The following NEGR1 variants were observed in gnomAD, a reference collection of about 807,000 sequenced individuals.
NEGR1 encodes the protein IgLON family member 4.
A neutral mutation model predicts 40.9 loss-of-function variants in NEGR1; 10 were observed. The observed-to-expected ratio is 0.24, with a 90% CI of 0.15 to 0.42. The LOEUF (loss-of-function observed/expected upper bound fraction) is 0.42, where lower values mean the gene tolerates loss of function less well. Ranked by LOEUF, NEGR1 falls within the 10% of genes least tolerant of loss-of-function variation. The probability of loss-of-function intolerance (pLI) is 1.00; values close to 1 mark genes in which losing one functional copy is unlikely to be tolerated. For missense variants in NEGR1, 352 were observed against 438.9 expected, an observed-to-expected ratio of 0.80 and a Z score of 1.77; for synonymous variants, 185 against 166.8, an observed-to-expected ratio of 1.11 and a Z score of -0.84.
intron 1 of NEGR1, among the ~76,000 whole-genome samples, chr1:72,004,167 A>C (rs1570598899): frequency 6.6e-6 from 1 of 152,116 alleles, no homozygotes; most frequent in Middle Eastern, 3.4e-3. Context: ...TATTTTCATA[A>C]TATAATTAAA....
At chr1:71,929,804 C>T (rs1382834175) in intron 2 of NEGR1, among the ~76,000 whole-genome samples, 6 of 150,962 alleles carry the variant, frequency 4.0e-5, no homozygotes, top group Non-Finnish European at 7.4e-5. Context: ...TTATTCCCAT[C>T]AGCTCAAACT....
intron 3 of NEGR1, among the ~76,000 whole-genome samples, chr1:71,748,162 T>C (rs1027096418): frequency 1.3e-5 from 2 of 152,182 alleles, no homozygotes; most frequent in East Asian, 3.8e-4. Context: ...AGAAGAACTT[T>C]GAGAGAAAAT....
At position 71,843,426 on chromosome 1, in the gene NEGR1, C is replaced by G. The variant is rs187973235; in HGVS notation, c.410-67129G>C. Among the ~76,000 whole-genome samples, 589 of 152,260 alleles carry G rather than the reference C, an allele frequency of 3.9e-3. 3 individuals are homozygous for G. The highest frequency in any genetic ancestry group is 0.014 in the African/African-American group (580 of 41,564). On this transcript the variant is annotated intron_variant, in intron 2 of 6. Coordinates refer to ENST00000357731, the MANE Select transcript of NEGR1 (RefSeq NM_173808.3). The stretch of plus-strand genomic sequence containing the variant: ...AGAGAACAGAAGTCGAGGCTATTGA[C>G]TCCTGTGCACTGAAATGGTATCAAA...
chr1:72,126,891 T>C (rs1557540019), intron 1 of NEGR1, among the ~76,000 whole-genome samples: 1 of 152,194 alleles, frequency 6.6e-6, no homozygotes, highest in Non-Finnish European at 1.5e-5. Flanking sequence ...AACACCATCT[T>C]ATAAAAGGTA....
chr1:71,775,397 G>A lies in NEGR1; in HGVS notation c.535+775C>T, dbSNP rs184872603. Among the ~76,000 whole-genome samples, 266 of 149,528 alleles carry A rather than the reference G, an allele frequency of 1.8e-3. 1 individual carries two copies. The highest frequency in any genetic ancestry group is 3.7e-3 in the Admixed American group (55 of 15,000). On this transcript the variant is annotated intron_variant, in intron 3 of 6. Transcript: ENST00000357731. ...GGTCTTGCTCCGCACCCAGGCTGGA[G>A]TGCACTGGTGCGATCTCGGCTCACT...
intron 1 of NEGR1, among the ~76,000 whole-genome samples, chr1:72,117,110 G>A (rs1649612319): frequency 6.6e-6 from 1 of 151,536 alleles, no homozygotes; most frequent in Non-Finnish European, 1.5e-5. Flanking sequence ...CTGTTTTCTT[G>A]GCTTCATCTC....
intron 3 of NEGR1, among the ~76,000 whole-genome samples, chr1:71,711,490 A>AAT (rs1156818457): frequency 6.6e-6 from 1 of 151,202 alleles, no homozygotes; most frequent in Non-Finnish European, 1.5e-5. Context: ...ACAAAAAAAA[A>AAT]AAAAAAAAGA....
chr1:71,988,524 C>T (rs1366726198), intron 1 of NEGR1, among the ~76,000 whole-genome samples: 1 of 112,566 alleles, frequency 8.9e-6, no homozygotes, highest in East Asian at 2.9e-4. Context: ...CCGTCCTGGG[C>T]GACAGAGCGA....
intron 1 of NEGR1, among the ~76,000 whole-genome samples, chr1:72,162,459 A>C (rs1364222884): frequency 6.6e-6 from 1 of 151,092 alleles, no homozygotes; most frequent in Non-Finnish European, 1.5e-5. Flanking sequence ...GAGGAAGCCA[A>C]ACAAACAAAC....
intron 1 of NEGR1, among the ~76,000 whole-genome samples, chr1:72,210,103 A>T (rs1653545286): frequency 6.6e-6 from 1 of 151,922 alleles, no homozygotes; most frequent in South Asian, 2.1e-4. Context: ...GCAGTTCTCC[A>T]ACTGTGCTCC....
intron 6 of NEGR1, among the ~76,000 whole-genome samples, chr1:71,534,355 G>C (rs1179940847): frequency 1.3e-5 from 2 of 151,622 alleles, no homozygotes; most frequent in South Asian, 4.1e-4. Flanking sequence ...CATCTTTTGT[G>C]GGTATGTGGG....
intron 6 of NEGR1, among the ~76,000 whole-genome samples, chr1:71,487,543 C>T (rs559726029): frequency 2.6e-5 from 4 of 151,828 alleles, no homozygotes; most frequent in African/African-American, 7.2e-5. Flanking sequence ...TTTGCACACT[C>T]GGTTCCACAC....
At chr1:71,583,460 C>A (rs1038832781) in intron 6 of NEGR1, among the ~76,000 whole-genome samples, 6 of 152,112 alleles carry the variant, frequency 3.9e-5, no homozygotes, top group African/African-American at 1.4e-4. Context: ...CACATGCTAG[C>A]CTGAGAGAAA....
Position 71,701,445 on chromosome 1 carries a change from T to A in NEGR1, c.536-3306A>T, listed in dbSNP as rs189764095. Among the ~76,000 whole-genome samples, 17 of 152,148 alleles carry A rather than the reference T, an allele frequency of 1.1e-4. No individual in the cohort carries two copies. In the East Asian group the frequency reaches 2.9e-3, roughly 26 times the overall value. ...CAGCAAATGTTGGGTCAAGTCTTTA[T>A]CCCACTTTGAATCTCTACTGCCTCT... On this transcript the variant is annotated intron_variant, in intron 3 of 6. Coordinates refer to ENST00000357731, the MANE Select transcript of NEGR1 (RefSeq NM_173808.3).
At chr1:72,053,708 AT>A (rs1647084096) in intron 1 of NEGR1, among the ~76,000 whole-genome samples, 2 of 151,250 alleles carry the variant, frequency 1.3e-5, no homozygotes, top group African/African-American at 4.8e-5. Context: ...TTAAAGAAAA[AT>A]GAGAAATGCT....
chr1:71,421,495 G>A (rs952046009), intron 6 of NEGR1: 2 of 152,066 alleles, frequency 1.3e-5, no homozygotes, highest in African/African-American at 2.4e-5. Context: ...AACAATAAGT[G>A]TGTCAATTGG....
intron 1 of NEGR1, among the ~76,000 whole-genome samples, chr1:71,973,869 G>C (rs1570568690): frequency 6.6e-6 from 1 of 152,114 alleles, no homozygotes; most frequent in East Asian, 1.9e-4. Context: ...TTACAAGAAT[G>C]CTTCCTTTTT....
intron 6 of NEGR1, among the ~76,000 whole-genome samples, chr1:71,549,151 C>T (rs1647994825): frequency 6.6e-6 from 1 of 151,658 alleles, no homozygotes; most frequent in Non-Finnish European, 1.5e-5. Context: ...TTATGCTAAG[C>T]AATTCAAATA....
At chr1:71,592,687 G>T in intron 6 of NEGR1, 130 bp downstream of exon 6, 1 of 640,986 alleles carries the variant, frequency 1.6e-6, no homozygotes, top group Non-Finnish European at 2.7e-6. Flanking sequence ...AGGATTGCGT[G>T]ATGTATAAGG....
Sources: gnomAD v4.1 joint callset for allele counts (sites outside exome capture counted in the v4.1 genomes callset) on GRCh38, gnomAD v4.1.1 for gene constraint, MANE v1.5 for transcripts, NCBI Gene and HGNC (gene_info 2026-07-23, HGNC 2026-07-21) for gene names.